The following FAM13A variants were observed in gnomAD, a reference collection of about 807,000 sequenced individuals.
FAM13A encodes the protein family with sequence similarity 13 member A.
Under a neutral mutation model 129.6 loss-of-function variants are expected in FAM13A, and 76 were observed. The observed-to-expected ratio is 0.59, with a 90% CI of 0.49 to 0.71. The LOEUF (loss-of-function observed/expected upper bound fraction) is 0.71, where lower values mean the gene tolerates loss of function less well. FAM13A is among the 30% of genes least tolerant of loss of function. FAM13A has a pLI of 0.00. For synonymous variants in FAM13A, 443 were observed against 449.9 expected, an observed-to-expected ratio of 0.98 and a Z score of 0.20; for missense variants, 1,108 against 1,249.3, an observed-to-expected ratio of 0.89 and a Z score of 1.70.
intron 5 of FAM13A, chr4:88,937,402 G>A (rs903035158): frequency 1.3e-5 from 2 of 152,152 alleles, no homozygotes; most frequent in African/African-American, 2.4e-5. Flanking sequence ...CAATATAAAT[G>A]ACGACGAAAT....
chr4:88,821,970 A>G (rs1732017220), intron 7 of FAM13A, among the ~76,000 whole-genome samples: 1 of 152,258 alleles, frequency 6.6e-6, no homozygotes, highest in South Asian at 2.1e-4. Flanking sequence ...TTTCATTGCT[A>G]AAACAAAAAC....
intron 6 of FAM13A, among the ~76,000 whole-genome samples, chr4:88,851,885 T>G (rs1204625858): frequency 1.3e-5 from 2 of 152,236 alleles, no homozygotes; most frequent in Admixed American, 6.5e-5. Flanking sequence ...TCTCTTATTT[T>G]AGATCAGAAT....
intron 3 of FAM13A, among the ~76,000 whole-genome samples, chr4:88,991,767 T>G (rs1223079187): frequency 6.6e-6 from 1 of 152,186 alleles, no homozygotes; most frequent in African/African-American, 2.4e-5. Flanking sequence ...AGCTTTTTAA[T>G]CTTGACAAAG....
chr4:88,733,438 G>A (rs528052795), intron 21 of FAM13A, among the ~76,000 whole-genome samples: 1 of 152,304 alleles, frequency 6.6e-6, no homozygotes, highest in South Asian at 2.1e-4. Context: ...AGTTTACAAA[G>A]TAAAATTGAC....
chr4:88,910,730 A>C (rs1748972220), intron 5 of FAM13A, among the ~76,000 whole-genome samples: 2 of 151,752 alleles, frequency 1.3e-5, no homozygotes, highest in Non-Finnish European at 2.9e-5. Context: ...GCTCACTGCA[A>C]CTTCTGCCTC....
At chr4:88,872,534 C>A (rs867101022) in intron 6 of FAM13A, among the ~76,000 whole-genome samples, 1 of 152,236 alleles carries the variant, frequency 6.6e-6, no homozygotes, top group African/African-American at 2.4e-5. Flanking sequence ...TCAAAAGAGA[C>A]AAAGAAGGCC....
chr4:89,034,681 A>AGGCCAGCCT (rs1313204729), intron 1 of FAM13A, among the ~76,000 whole-genome samples: 1 of 152,196 alleles, frequency 6.6e-6, no homozygotes, highest in Non-Finnish European at 1.5e-5. Flanking sequence ...CAGGAGTTTG[A>AGGCCAGCCT]GGCCAGCCTG....
intron 7 of FAM13A, chr4:88,822,962 T>C (rs898932261): frequency 1.2e-6 from 2 of 1,611,556 alleles, no homozygotes; most frequent in Admixed American, 1.7e-5. Flanking sequence ...TAAAATAAAA[T>C]AGGAAAATAC....
At chr4:88,985,051 A>G (rs533030039) in intron 4 of FAM13A, among the ~76,000 whole-genome samples, 7 of 152,292 alleles carry the variant, frequency 4.6e-5, no homozygotes, top group African/African-American at 1.7e-4. Flanking sequence ...CCCACCAACT[A>G]ATGAGTTGAT....
At chr4:88,800,366 G>A (rs896813529) in intron 8 of FAM13A, among the ~76,000 whole-genome samples, 2 of 152,080 alleles carry the variant, frequency 1.3e-5, no homozygotes. Flanking sequence ...TCCACAGGCA[G>A]GGGGGATGTG....
intron 8 of FAM13A, among the ~76,000 whole-genome samples, chr4:88,801,616 A>G (rs1454080206): frequency 2.0e-5 from 3 of 152,206 alleles, no homozygotes; most frequent in African/African-American, 7.2e-5. Flanking sequence ...ATGCCAGGTG[A>G]GTTATTTAGA....
chr4:89,028,986 C>T lies in FAM13A; in HGVS notation c.217+474G>A, dbSNP rs944251185. On this transcript the variant is annotated intron_variant, in intron 2 of 23. Coordinates refer to ENST00000264344, the MANE Select transcript of FAM13A (RefSeq NM_014883.4). ...TCCAAAAATAAGTGAAACCACCCCC[C>T]ACCACTCCGCATAGTAAGCTTTACA... is the stretch of plus-strand genomic sequence containing the variant. Among the ~76,000 whole-genome samples the T allele has an allele frequency of 3.3e-5, 5 of 152,258 alleles. No individual in the cohort carries two copies. The South Asian group carries it at 1.0e-3, about 32-fold the overall frequency.
intron 6 of FAM13A, among the ~76,000 whole-genome samples, chr4:88,864,708 T>C (rs919568518): frequency 6.6e-6 from 1 of 152,162 alleles, no homozygotes; most frequent in Non-Finnish European, 1.5e-5. Flanking sequence ...TGCCCGGCCA[T>C]TTGTGATCTT....
intron 4 of FAM13A, among the ~76,000 whole-genome samples, chr4:88,975,935 C>T (rs185524598): frequency 6.6e-6 from 1 of 152,220 alleles, no homozygotes; most frequent in African/African-American, 2.4e-5. Flanking sequence ...TTAGTCTTGC[C>T]ATAACTAGTT....
At chr4:88,966,354 C>T (rs1579537369) in intron 4 of FAM13A, among the ~76,000 whole-genome samples, 1 of 152,096 alleles carries the variant, frequency 6.6e-6, no homozygotes. Flanking sequence ...AACAAACATG[C>T]ACTGAGAGCC....
At chr4:88,827,892 T>C (rs1361342271) in intron 7 of FAM13A, among the ~76,000 whole-genome samples, 4 of 152,190 alleles carry the variant, frequency 2.6e-5, no homozygotes, top group Non-Finnish European at 2.9e-5. Context: ...CCAATCCTTT[T>C]AATGTGATGA....
intron 3 of FAM13A, among the ~76,000 whole-genome samples, chr4:89,010,218 A>G (rs547001764): frequency 2.6e-5 from 4 of 152,350 alleles, no homozygotes; most frequent in African/African-American, 9.6e-5. Context: ...CTCTGCCTAT[A>G]TAAGTAAAAC....
rs1328258182 is a variant in FAM13A at position 88,771,433 on chromosome 4, T to G, written c.1459-3374A>C. Among the ~76,000 whole-genome samples the G allele has an allele frequency of 4.6e-5, 7 of 152,242 alleles. No homozygotes were observed. The South Asian group carries it at 1.0e-3, about 23-fold the overall frequency. ...ATTAGACCTTCAAATGTGCTGTAGG[T>G]GCTAATAGTACTTGTCTAACAAGAA... On this transcript the variant is annotated intron_variant, in intron 11 of 23. Coordinates refer to ENST00000264344, the MANE Select transcript of FAM13A (RefSeq NM_014883.4).
chr4:89,004,333 C>T (rs948430298), intron 3 of FAM13A, among the ~76,000 whole-genome samples: 14 of 151,966 alleles, frequency 9.2e-5, no homozygotes, highest in African/African-American at 3.4e-4. Context: ...GAGATGGGGT[C>T]TTGCCATGTC....
Sources: gnomAD v4.1 joint callset for allele counts (sites outside exome capture counted in the v4.1 genomes callset) on GRCh38, gnomAD v4.1.1 for gene constraint, MANE v1.5 for transcripts, NCBI Gene and HGNC (gene_info 2026-07-23, HGNC 2026-07-21) for gene names.